THSD4: variants seen among roughly 807,000 people sequenced by gnomAD.
THSD4 encodes thrombospondin type 1 domain containing 4, also known as thrombospondin type-1 domain-containing protein 4.
THSD4 carries 69 observed loss-of-function variants against 119.0 expected under a neutral mutation model. The ratio of observed to expected loss-of-function variants is 0.58; its 90% CI spans 0.48 to 0.71. The LOEUF (loss-of-function observed/expected upper bound fraction) is 0.71, where lower values mean the gene tolerates loss of function less well. Among genes scored for constraint, THSD4 ranks in the 30% least tolerant of loss-of-function variants. The probability of loss-of-function intolerance (pLI) is 0.00; values close to 1 mark genes in which losing one functional copy is unlikely to be tolerated. For synonymous variants in THSD4, 524 were observed against 540.4 expected, an observed-to-expected ratio of 0.97 and a Z score of 0.42; for missense variants, 1,393 against 1,391.1, an observed-to-expected ratio of 1.00 and a Z score of -0.02.
intron 6 of THSD4, among the ~76,000 whole-genome samples, chr15:71,269,917 A>C (rs562986842): frequency 1.3e-5 from 2 of 152,356 alleles, no homozygotes; most frequent in South Asian, 4.1e-4. Flanking sequence ...CTCTTCAAGG[A>C]GAACTACAAA....
At chr15:71,111,868 G>T, upstream of THSD4, 1 of 536,860 alleles carries the variant, frequency 1.9e-6, no homozygotes, top group Non-Finnish European at 3.2e-6. Flanking sequence ...GCAATTTTCA[G>T]AACTCTAGGC....
Position 71,365,757 on chromosome 15 carries a change from C to T in THSD4, c.1016-45930C>T, listed in dbSNP as rs186081117. 1.6e-4 allele frequency among the ~76,000 whole-genome samples: 25 copies of T among 152,198 alleles called. No homozygotes were observed. In the East Asian group the frequency reaches 4.9e-3, roughly 30 times the overall value. On this transcript the variant is annotated intron_variant, in intron 6 of 17. Coordinates refer to ENST00000261862, the MANE Select transcript of THSD4 (RefSeq NM_024817.3). The stretch of plus-strand genomic sequence containing the variant: ...TCCTCCCTCTCTCTCTCATTGTCCC[C>T]TTAAAAGTAATTTAGTAGGAGAAGT...
chr15:71,747,110 C>A (rs2053355293), intron 13 of THSD4, 68 bp downstream of exon 13: 6 of 1,509,188 alleles, frequency 4.0e-6, no homozygotes, highest in East Asian at 2.4e-5. Flanking sequence ...CAGCCTCCCC[C>A]ACCAAGACCT....
At chr15:71,460,444 G>A (rs2140612261) in intron 7 of THSD4, among the ~76,000 whole-genome samples, 1 of 151,016 alleles carries the variant, frequency 6.6e-6, no homozygotes, top group South Asian at 2.1e-4. Context: ...ATTCCACCTT[G>A]AATTTATTAT....
At chr15:71,714,644 C>T (rs1379754651) in intron 8 of THSD4, among the ~76,000 whole-genome samples, 4 of 151,974 alleles carry the variant, frequency 2.6e-5, no homozygotes, top group African/African-American at 4.8e-5. Flanking sequence ...ATCAGGAGTT[C>T]GAGACCAGCC....
In THSD4 at chr15:71,706,647, G is replaced by T. The variant is rs140014459; in HGVS notation, c.1358-21902G>T. On this transcript the variant is annotated intron_variant, in intron 8 of 17. Transcript: ENST00000261862. ...GGACCCGAGGTAGACAGAGGTTGGA[G>T]AATGCAATGCCCTGGAGGTGAAGAT... is the stretch of plus-strand genomic sequence containing the variant. Among the ~76,000 whole-genome samples, 227 of 152,324 alleles carry T rather than the reference G, an allele frequency of 1.5e-3. 1 individual carries two copies. The highest frequency in any genetic ancestry group is 5.4e-3 in the African/African-American group (223 of 41,570).
intron 6 of THSD4, among the ~76,000 whole-genome samples, chr15:71,318,645 T>C (rs535250118): frequency 6.6e-6 from 1 of 152,268 alleles, no homozygotes; most frequent in Admixed American, 6.5e-5. Flanking sequence ...AGGCTGGGAC[T>C]CAGCCCATCA....
At chr15:71,547,570 G>T in intron 7 of THSD4, 3 of 1,461,260 alleles carry the variant, frequency 2.1e-6, no homozygotes, top group Non-Finnish European at 2.8e-6. Flanking sequence ...TCAGGGAATG[G>T]AATTTTATGG....
At chr15:71,578,250 G>A (rs966067048) in intron 7 of THSD4, among the ~76,000 whole-genome samples, 9 of 151,224 alleles carry the variant, frequency 6.0e-5, no homozygotes, top group Admixed American at 1.3e-4. Flanking sequence ...TCTTGTAAGC[G>A]GCAGTGTAGA....
intron 7 of THSD4, among the ~76,000 whole-genome samples, chr15:71,437,264 A>G (rs2047025194): frequency 6.6e-6 from 1 of 152,242 alleles, no homozygotes; most frequent in African/African-American, 2.4e-5. Context: ...ATCCACTCCC[A>G]TGGTCCAAAC....
At chr15:71,712,346 A>C (rs1444761161) in intron 8 of THSD4, among the ~76,000 whole-genome samples, 4 of 152,346 alleles carry the variant, frequency 2.6e-5, no homozygotes, top group African/African-American at 7.2e-5. Flanking sequence ...ACAACATGTC[A>C]AAATGTGTGG....
intron 7 of THSD4, among the ~76,000 whole-genome samples, chr15:71,642,333 C>G (rs2050874667): frequency 6.6e-6 from 1 of 152,104 alleles, no homozygotes; most frequent in African/African-American, 2.4e-5. Flanking sequence ...GAAATAGGAA[C>G]ACTTTTACAC....
At chr15:71,130,109 T>A (rs541515420) in intron 1 of THSD4, among the ~76,000 whole-genome samples, 126 of 152,332 alleles carry the variant, frequency 8.3e-4, no homozygotes, top group Non-Finnish European at 1.3e-3. Context: ...GCATGCTGTG[T>A]ACCAGGTAAA....
In THSD4 at chr15:71,451,770, TCA is replaced by T. The variant is rs543745763; in HGVS notation, c.1152+39948_1152+39949del. On this transcript the variant is annotated intron_variant, in intron 7 of 17. Transcript: ENST00000261862. ...TCCAGGTCCCTTCTCTTCCCCTTTCTCAGTCTGTTCTCCTGGGTAGGTCAGGG... is the reference window on the plus strand; with the variant it reads ...TCCAGGTCCCTTCTCTTCCCCTTTCTGTCTGTTCTCCTGGGTAGGTCAGGG... 6.6e-5 allele frequency among the ~76,000 whole-genome samples: 10 copies of T among 152,276 alleles called. No homozygotes were observed. In the South Asian group the frequency reaches 2.1e-3, roughly 32 times the overall value.
intron 8 of THSD4, among the ~76,000 whole-genome samples, chr15:71,700,869 T>C (rs2141070557): frequency 6.6e-6 from 1 of 152,172 alleles, no homozygotes; most frequent in South Asian, 2.1e-4. Flanking sequence ...TGTCACAGTA[T>C]ATACCAAGAT....
At chr15:71,542,472 C>T (rs2048771977) in intron 7 of THSD4, among the ~76,000 whole-genome samples, 1 of 152,004 alleles carries the variant, frequency 6.6e-6, no homozygotes, top group Non-Finnish European at 1.5e-5. Flanking sequence ...AGTGGTAAGT[C>T]ATATTGAAAT....
chr15:71,180,327 G>C (rs560118746), intron 3 of THSD4, among the ~76,000 whole-genome samples: 1 of 152,240 alleles, frequency 6.6e-6, no homozygotes, highest in East Asian at 1.9e-4. Context: ...ATTCATAAAT[G>C]GGCAAAGGAC....
intron 14 of THSD4, 112 bp from the exon 15 acceptor site, chr15:71,757,790 G>T: frequency 1.5e-6 from 2 of 1,377,362 alleles, no homozygotes; most frequent in South Asian, 1.2e-5. Context: ...ATATTTCTAG[G>T]GGAAACAGAC....
chr15:71,561,366 A>G (rs570600054), intron 7 of THSD4, among the ~76,000 whole-genome samples: 1 of 152,292 alleles, frequency 6.6e-6, no homozygotes, highest in Admixed American at 6.5e-5. Context: ...TGGTATGAGA[A>G]TATGCTCAAT....
Sources: allele counts gnomAD v4.1 joint callset (sites outside exome capture counted in the v4.1 genomes callset), GRCh38; gene constraint gnomAD v4.1.1; transcripts MANE v1.5; gene names NCBI Gene and HGNC (gene_info 2026-07-23, HGNC 2026-07-21).